The following SETD5 variants were observed in gnomAD, a reference collection of about 807,000 sequenced individuals.
The protein encoded by SETD5 is histone-lysine N-methyltransferase SETD5.
Under a neutral mutation model 153.3 loss-of-function variants are expected in SETD5, and 44 were observed. That is an observed-to-expected ratio of 0.29 (90% CI 0.23 to 0.37). The LOEUF (loss-of-function observed/expected upper bound fraction) is 0.37. SETD5 is among the 10% of genes least tolerant of loss of function. SETD5 has a pLI of 1.00. For missense variants in SETD5, 1,544 were observed against 1,768.0 expected (o/e 0.87, Z 2.27); for synonymous variants, 716 against 645.2 (o/e 1.11, Z -1.66).
intron 1 of SETD5, among the ~76,000 whole-genome samples, chr3:9,422,192 A>G (rs1195526011): frequency 6.6e-6 from 1 of 152,208 alleles, no homozygotes; most frequent in Middle Eastern, 3.2e-3. Context: ...AATCGTGGCT[A>G]ATAAGATGAA....
chr3:9,446,057 G>A (rs2041947294), intron 13 of SETD5, among the ~76,000 whole-genome samples: 1 of 149,504 alleles, frequency 6.7e-6, no homozygotes, highest in Non-Finnish European at 1.5e-5. Flanking sequence ...GGAGGGCGAG[G>A]TGGGCGGATC....
In SETD5 at chr3:9,446,084, G is replaced by A. The variant is rs1189626352; in HGVS notation, c.1524+344G>A. 7.4e-5 allele frequency among the ~76,000 whole-genome samples: 11 copies of A among 149,258 alleles called. 1 individual carries two copies. Among genetic ancestry groups the A allele is most frequent in the Admixed American group, 7.4e-4 (11 of 14,936 alleles). On this transcript the variant is annotated intron_variant, in intron 13 of 22. Transcript: ENST00000402198. ...GGGCGGATCACGAGGTCAGGAGATC[G>A]AGACCATCCTCGCTAACACGGTGAA...
intron 1 of SETD5, among the ~76,000 whole-genome samples, chr3:9,410,803 T>C (rs1225641879): frequency 1.3e-5 from 2 of 151,470 alleles, no homozygotes; most frequent in Non-Finnish European, 2.9e-5. Flanking sequence ...TTCTGTTCTT[T>C]CTTTTTTGGA....
intron 22 of SETD5, 75 bp downstream of exon 22, chr3:9,475,231 C>T: frequency 1.5e-6 from 2 of 1,360,362 alleles, no homozygotes; most frequent in Non-Finnish European, 2.0e-6. Context: ...CATCCTTTGC[C>T]ATTGAGATGC....
Position 9,434,551 on chromosome 3 carries a change from A to G in SETD5, c.329+66A>G. On this transcript the variant is annotated intron_variant, in intron 5 of 22. Transcript: ENST00000402198. The surrounding 1 kb of genome is among the most constrained non-coding windows in gnomAD (Gnocchi z 5.6). The stretch of plus-strand genomic sequence containing the variant: ...GGATTAGGGTTTCTTACAAGTAGGG[A>G]AAAGCTCAAAGTATTCTTTCTTGTG... The G allele has an allele frequency of 1.2e-6, 2 of 1,602,330 alleles. No homozygotes were observed. The highest frequency in any genetic ancestry group is 2.7e-5 in the African/African-American group (2 of 74,676).
At chr3:9,455,210 T>G (rs181708482) in intron 17 of SETD5, among the ~76,000 whole-genome samples, 27 of 137,892 alleles carry the variant, frequency 2.0e-4, no homozygotes, top group African/African-American at 6.9e-4. Context: ...AATCAAGCGA[T>G]TCTCCCTGCC....
At chr3:9,446,679 G>A (rs2125264929) in intron 13 of SETD5, among the ~76,000 whole-genome samples, 1 of 152,066 alleles carries the variant, frequency 6.6e-6, no homozygotes, top group East Asian at 1.9e-4. Flanking sequence ...TTTTAGTAGA[G>A]ACGGAGTTTC....
intron 17 of SETD5, among the ~76,000 whole-genome samples, chr3:9,456,486 A>G (rs1325161029): frequency 6.6e-6 from 1 of 151,868 alleles, no homozygotes; most frequent in Non-Finnish European, 1.5e-5. Flanking sequence ...AACTTAAAAA[A>G]AAAAAAAAAA....
At chr3:9,428,406 GA>G (rs1435123535) in intron 2 of SETD5, among the ~76,000 whole-genome samples, 3 of 152,104 alleles carry the variant, frequency 2.0e-5, no homozygotes, top group Admixed American at 6.5e-5. Context: ...TGTGGCCTAG[GA>G]AAAAAACTTA....
chr3:9,414,989 C>T (rs2037195318), intron 1 of SETD5, among the ~76,000 whole-genome samples: 1 of 152,040 alleles, frequency 6.6e-6, no homozygotes, highest in African/African-American at 2.4e-5. Context: ...CTGAGATAGT[C>T]TGTGTTTTGC....
chr3:9,400,542 A>T (rs1291311548), intron 1 of SETD5, among the ~76,000 whole-genome samples: 1 of 151,950 alleles, frequency 6.6e-6, no homozygotes, highest in African/African-American at 2.4e-5. Context: ...CTAAGCTTGA[A>T]CTCTTAAACT....
chr3:9,468,382 C>T, intron 18 of SETD5: 1 of 469,114 alleles, frequency 2.1e-6, no homozygotes, highest in Non-Finnish European at 3.7e-6. Context: ...AAATATTTCC[C>T]CTATGCATTC....
intron 13 of SETD5, among the ~76,000 whole-genome samples, chr3:9,446,163 T>A (rs757521259): frequency 3.3e-5 from 5 of 151,168 alleles, no homozygotes; most frequent in Non-Finnish European, 7.4e-5. Context: ...GGCGGGTGCC[T>A]GTAGTCCCAG....
intron 2 of SETD5, among the ~76,000 whole-genome samples, chr3:9,425,078 T>TTTTTTTTTTA (rs2038976046): frequency 1.4e-5 from 2 of 146,178 alleles, no homozygotes; most frequent in Non-Finnish European, 3.0e-5. Context: ...TTTTTTTTTT[T>TTTTTTTTTTA]GAGACAGAGT....
Position 9,447,150 on chromosome 3 carries a change from A to T in SETD5, c.1625A>T (p.Asp542Val), listed in dbSNP as rs760203351. The change falls in exon 14 of 23, where the codon GAT becomes GTT. Residue 542 changes from aspartate (D) to valine (V), a missense_variant. Physicochemically the swap from Asp to Val is radical, Grantham distance 152. This residue lies in a region of SETD5 where 782 missense variants were observed against 787.2 expected (regional missense o/e 0.99). Coordinates refer to ENST00000402198, the MANE Select transcript of SETD5 (RefSeq NM_001080517.3). ...RDQPLEQSNS[D>V]VEITTTTSET... is the part of the protein sequence containing the mutation. ...CAGCCCTTGGAACAGAGCAACTCTG[A>T]TGTAGAGATTACTACAACCACCTCA... The T allele has an allele frequency of 1.9e-6, 3 of 1,613,914 alleles. No homozygotes were observed. The highest frequency in any genetic ancestry group is 2.7e-5 in the African/African-American group (2 of 74,930).
intron 3 of SETD5, chr3:9,431,594 A>ATTTTATATT (rs1253719444): frequency 1.0e-6 from 1 of 985,620 alleles, no homozygotes; most frequent in African/African-American, 1.7e-5. Context: ...ATGAGTTTAA[A>ATTTTATATT]TTTTATATTT....
intron 18 of SETD5, among the ~76,000 whole-genome samples, chr3:9,465,935 T>C (rs575414389): frequency 6.6e-6 from 1 of 152,252 alleles, no homozygotes; most frequent in Non-Finnish European, 1.5e-5. Context: ...GGCATAAGAT[T>C]ATAGGAATAG....
At chr3:9,412,286 T>C (rs1488476324) in intron 1 of SETD5, among the ~76,000 whole-genome samples, 3 of 151,542 alleles carry the variant, frequency 2.0e-5, no homozygotes, top group South Asian at 4.2e-4. Context: ...GTATTTTAGA[T>C]ATGGGCATTC....
At chr3:9,455,396 A>G (rs1292105979) in intron 17 of SETD5, among the ~76,000 whole-genome samples, 1 of 151,198 alleles carries the variant, frequency 6.6e-6, no homozygotes, top group Non-Finnish European at 1.5e-5. Context: ...ATGAGCCACC[A>G]TGCCTGGCTG....
Sources: allele counts gnomAD v4.1 joint callset (sites outside exome capture counted in the v4.1 genomes callset), GRCh38; gene constraint gnomAD v4.1.1; regional missense constraint gnomAD v4.1.1; non-coding constraint Gnocchi (gnomAD v3.1); transcripts MANE v1.5; gene names NCBI Gene and HGNC (gene_info 2026-07-23, HGNC 2026-07-21).